Variants in ACSL1 observed in about 807,000 individuals in gnomAD.
ACSL1 encodes the protein long-chain-fatty-acid--CoA ligase 1.
Under a neutral mutation model 98.4 loss-of-function variants are expected in ACSL1, and 41 were observed. That is an observed-to-expected ratio of 0.42 (90% confidence interval 0.32 to 0.54). ACSL1 has a LOEUF of 0.54. Ranked by LOEUF, ACSL1 falls within the 20% of genes least tolerant of loss-of-function variation. The probability of loss-of-function intolerance (pLI) is 0.13; values close to 1 mark genes in which losing one functional copy is unlikely to be tolerated. For synonymous variants in ACSL1, 316 were observed against 322.7 expected (o/e 0.98, Z 0.22); for missense variants, 734 against 883.1 (o/e 0.83, Z 2.14).
chr4:184,757,676 C>A lies in ACSL1; in HGVS notation c.1915G>T (p.Val639Leu), dbSNP rs757777378. 3.1e-6 allele frequency: 5 copies of A among 1,613,940 alleles called. No individual in the cohort carries two copies. Among genetic ancestry groups the A allele is most frequent in the African/African-American group, 2.7e-5 (2 of 74,906 alleles). ...AGACCAGAATCCTTCCCAAGTCTCA[C>A]CATATCTTCGAGGATAGCTTTTTTG... The part of the protein sequence containing the change: ...DVKKAILEDM[V>L]RLGKDSGLKP... Residue 639 changes from valine to leucine, a missense_variant, in exon 20 of 21, where the codon GTG becomes TTG. Physicochemically the swap from Val to Leu is conservative, Grantham distance 32. Transcript: ENST00000281455. The surrounding 1 kb of genome is among the most constrained non-coding windows in gnomAD (Gnocchi z 4.5).
intron 1 of ACSL1, chr4:184,812,122 C>G: frequency 1.1e-6 from 1 of 902,192 alleles, no homozygotes; most frequent in Non-Finnish European, 1.3e-6. Flanking sequence ...TATTTGTAAC[C>G]CCTGTGTGGT....
chr4:184,775,563 C>T (rs149578592), intron 7 of ACSL1, among the ~76,000 whole-genome samples: 4 of 152,218 alleles, frequency 2.6e-5, no homozygotes, highest in Non-Finnish European at 4.4e-5. Context: ...GAATCACGTT[C>T]GATGCTACTG....
intron 1 of ACSL1, among the ~76,000 whole-genome samples, chr4:184,804,529 C>T (rs777726433): frequency 3.3e-5 from 5 of 149,708 alleles, no homozygotes; most frequent in Non-Finnish European, 4.4e-5. Flanking sequence ...TGCAGTGAGC[C>T]GGGATCGTGC....
chr4:184,814,348 C>T (rs1772428048), intron 1 of ACSL1, among the ~76,000 whole-genome samples: 1 of 149,702 alleles, frequency 6.7e-6, no homozygotes, highest in Non-Finnish European at 1.5e-5. Flanking sequence ...ACGCCTCTTT[C>T]CATCATGAAC....
chr4:184,805,615 C>G (rs1771307926), intron 1 of ACSL1: 1 of 687,314 alleles, frequency 1.5e-6, no homozygotes, highest in Admixed American at 6.3e-5. Flanking sequence ...CGGGGGTTAG[C>G]AGGGCTCAGC....
chr4:184,818,362 C>T (rs1229570296), intron 1 of ACSL1, among the ~76,000 whole-genome samples: 1 of 152,192 alleles, frequency 6.6e-6, no homozygotes, highest in Non-Finnish European at 1.5e-5. Context: ...CCACCTGCTT[C>T]TCCAACACAA....
intron 1 of ACSL1, chr4:184,805,551 A>G: frequency 1.0e-6 from 1 of 983,582 alleles, no homozygotes. Flanking sequence ...ACAGCTGACT[A>G]CTAGGTGACA....
intron 1 of ACSL1, among the ~76,000 whole-genome samples, chr4:184,807,565 C>T (rs1017809708): frequency 4.6e-5 from 7 of 152,178 alleles, no homozygotes; most frequent in Middle Eastern, 3.2e-3. Flanking sequence ...TGTAAAGATC[C>T]AGCACAGGAG....
intron 11 of ACSL1, among the ~76,000 whole-genome samples, chr4:184,769,101 C>T (rs1395494621): frequency 2.9e-5 from 4 of 139,418 alleles, no homozygotes; most frequent in Non-Finnish European, 6.5e-5. Context: ...ATATAGCCTT[C>T]CAGAAACTTT....
In ACSL1 at chr4:184,783,954, T is replaced by G; in HGVS notation, c.348A>C (p.Gln116His). ...GTTTATATGAAAGCCATTCATAGGGTTGGTCTGGTTTCCGAGAGCCTAAAC... is the reference window on the plus strand; with the variant it reads ...GTTTATATGAAAGCCATTCATAGGGGTGGTCTGGTTTCCGAGAGCCTAAAC... ...GPCLGSRKPD[Q>H]PYEWLSYKQV... Residue 116 changes from glutamine to histidine, a missense_variant, in exon 4 of 21, where the codon CAA becomes CAC. Physicochemically the swap from Gln to His is conservative, Grantham distance 24. Coordinates refer to ENST00000281455, the MANE Select transcript of ACSL1 (RefSeq NM_001995.5). 1 of 1,613,964 alleles carries G rather than the reference T, an allele frequency of 6.2e-7. No homozygotes were observed. The highest frequency in any genetic ancestry group is 1.3e-5 in the African/African-American group (1 of 74,998).
intron 17 of ACSL1, 60 bp from the exon 18 acceptor site, chr4:184,760,560 G>C (rs1348794291): frequency 6.2e-7 from 1 of 1,600,390 alleles, no homozygotes; most frequent in Non-Finnish European, 8.5e-7. Context: ...AACCAGGATG[G>C]ATCCCAGTAC....
intron 1 of ACSL1, chr4:184,813,881 C>T (rs1468233163): frequency 2.2e-6 from 1 of 456,182 alleles, no homozygotes; most frequent in Non-Finnish European, 4.4e-6. Flanking sequence ...GGAAGCTCCA[C>T]TTGTTTGAGA....
At chr4:184,769,943 G>A (rs769303690) in intron 11 of ACSL1, among the ~76,000 whole-genome samples, 4 of 152,146 alleles carry the variant, frequency 2.6e-5, no homozygotes, top group Admixed American at 6.6e-5. Context: ...AAAATTAGTC[G>A]CAAGCCAACT....
chr4:184,802,432 A>G (rs936262980), intron 2 of ACSL1, among the ~76,000 whole-genome samples: 2 of 152,068 alleles, frequency 1.3e-5, no homozygotes, highest in African/African-American at 4.8e-5. Flanking sequence ...TGTGTTTCAC[A>G]ATGTTCTTCT....
At chr4:184,804,916 C>T (rs988168776) in intron 1 of ACSL1, among the ~76,000 whole-genome samples, 11 of 152,072 alleles carry the variant, frequency 7.2e-5, no homozygotes, top group Admixed American at 5.2e-4. Flanking sequence ...AGTGTTCAGA[C>T]AAAATTAAGA....
intron 1 of ACSL1, among the ~76,000 whole-genome samples, chr4:184,810,746 A>C (rs1771977585): frequency 1.3e-5 from 2 of 152,200 alleles, no homozygotes; most frequent in Admixed American, 1.3e-4. Context: ...AGGATAGGAA[A>C]GGGGAAGGAA....
At chr4:184,761,841 G>A (rs1762891124) in intron 17 of ACSL1, among the ~76,000 whole-genome samples, 1 of 150,634 alleles carries the variant, frequency 6.6e-6, no homozygotes, top group African/African-American at 2.4e-5. Flanking sequence ...GCATCAAAAC[G>A]GGCCAGGCGC....
chr4:184,776,753 C>T (rs946351040), intron 6 of ACSL1, 91 bp from the exon 7 acceptor site: 3 of 1,495,968 alleles, frequency 2.0e-6, no homozygotes, highest in African/African-American at 2.8e-5. Context: ...TGAAGTACTA[C>T]ATTCTTTGAA....
Position 184,766,762 on chromosome 4 carries a change from G to A in ACSL1, c.1129-6C>T. Reference sequence around the variant, plus strand: ...GTGTTTGCTTGTCCGAAAATCTAATGAGGCAAGACATGAGAAAGTTTTCAC... The same window carrying A: ...GTGTTTGCTTGTCCGAAAATCTAATAAGGCAAGACATGAGAAAGTTTTCAC... On this transcript the variant is annotated splice_region_variant and splice_polypyrimidine_tract_variant and intron_variant, in intron 12 of 20. Coordinates refer to ENST00000281455, the MANE Select transcript of ACSL1 (RefSeq NM_001995.5). This position sits in a 1 kb window ranked among gnomAD's most constrained non-coding sequence, Gnocchi z 4.8. 1 of 1,610,080 alleles carries A rather than the reference G, an allele frequency of 6.2e-7. No homozygotes were observed. The highest frequency in any genetic ancestry group is 8.5e-7 in the Non-Finnish European group (1 of 1,176,792).
Sources: allele counts gnomAD v4.1 joint callset (sites outside exome capture counted in the v4.1 genomes callset), GRCh38; gene constraint gnomAD v4.1.1; non-coding constraint Gnocchi (gnomAD v3.1); transcripts MANE v1.5; gene names NCBI Gene and HGNC (gene_info 2026-07-23, HGNC 2026-07-21).